DHRSX: variants seen among roughly 807,000 people sequenced by gnomAD.
The protein encoded by DHRSX is dehydrogenase/reductase X-linked.
In DHRSX, 31 loss-of-function variants were observed where a neutral mutation model predicts 34.0. That is an observed-to-expected ratio of 0.91 (90% CI 0.69 to 1.23). The LOEUF is 1.23. Ranked by LOEUF, DHRSX falls within the 50% of genes most tolerant of loss-of-function variation. The pLI, the probability that DHRSX is intolerant of heterozygous loss-of-function variation, is 0.00. For missense variants in DHRSX, 414 were observed against 428.1 expected, an observed-to-expected ratio of 0.97 and a Z score of 0.29; for synonymous variants, 201 against 183.8, an observed-to-expected ratio of 1.09 and a Z score of -0.76.
At chrX:2,272,869 A>G (rs1481826363) in intron 4 of DHRSX, among the ~76,000 whole-genome samples, 2 of 152,260 alleles carry the variant, frequency 1.3e-5, no homozygotes, top group African/African-American at 4.8e-5. Context: ...CAAGCTGTAT[A>G]GAAAACAGCA....
At chrX:2,441,534 A>C (rs958954695) in intron 1 of DHRSX, among the ~76,000 whole-genome samples, 1 of 152,164 alleles carries the variant, frequency 6.6e-6, no homozygotes. Context: ...GGGCAAAACC[A>C]AAATGTGCAG....
intron 3 of DHRSX, among the ~76,000 whole-genome samples, chrX:2,346,809 T>A (rs1267394175): frequency 4.6e-5 from 7 of 151,788 alleles, no homozygotes; most frequent in Non-Finnish European, 8.8e-5. Context: ...AGTCCCCTAC[T>A]CCCCGACAGG....
chrX:2,288,848 A>G (rs185631645), intron 4 of DHRSX, among the ~76,000 whole-genome samples: 12 of 152,306 alleles, frequency 7.9e-5, no homozygotes, highest in Admixed American at 4.6e-4. Context: ...CAGTTTCCAG[A>G]ATATTTTTGT....
rs578194845 is a variant in DHRSX, at chrX:2,422,452, G to A, written c.217+2745C>T. On this transcript the variant is annotated intron_variant, in intron 2 of 6. Transcript: ENST00000334651. The stretch of plus-strand genomic sequence containing the variant: ...TACTTTTTGTATTTTTAGTAGAGAC[G>A]GGGTTTCACCATGTTAGCCAGGATG... 3.7e-4 allele frequency among the ~76,000 whole-genome samples: 57 copies of A among 152,066 alleles called. No individual in the cohort carries two copies. The South Asian group carries it at 4.8e-3, about 13-fold the overall frequency.
At chrX:2,471,084 C>G (rs2090319280) in intron 1 of DHRSX, among the ~76,000 whole-genome samples, 1 of 152,158 alleles carries the variant, frequency 6.6e-6, no homozygotes, top group Admixed American at 6.5e-5. Flanking sequence ...TATACAATTA[C>G]TTTTTTTAAC....
At chrX:2,452,296 C>T (rs2044232897) in intron 1 of DHRSX, among the ~76,000 whole-genome samples, 1 of 151,746 alleles carries the variant, frequency 6.6e-6, no homozygotes, top group Non-Finnish European at 1.5e-5. Context: ...ACCATGTACA[C>T]ACTGAAGACG....
At chrX:2,323,922 T>G (rs2042343754) in intron 3 of DHRSX, among the ~76,000 whole-genome samples, 1 of 151,906 alleles carries the variant, frequency 6.6e-6, no homozygotes, top group Non-Finnish European at 1.5e-5. Context: ...CTGGGTGTGG[T>G]GGTGCACACC....
intron 2 of DHRSX, among the ~76,000 whole-genome samples, chrX:2,420,237 C>G (rs989223668): frequency 1.3e-5 from 2 of 149,838 alleles, no homozygotes; most frequent in Admixed American, 1.3e-4. Context: ...TGAAACCCCC[C>G]CTCTACTAAA....
intron 5 of DHRSX, among the ~76,000 whole-genome samples, chrX:2,250,373 G>A (rs2077294521): frequency 6.6e-6 from 1 of 152,012 alleles, no homozygotes; most frequent in Non-Finnish European, 1.5e-5. Flanking sequence ...TATTATGAAA[G>A]TAGAAGAATA....
At chrX:2,452,561 C>T (rs1488816059) in intron 1 of DHRSX, among the ~76,000 whole-genome samples, 1 of 151,828 alleles carries the variant, frequency 6.6e-6, no homozygotes, top group Non-Finnish European at 1.5e-5. Flanking sequence ...AAGAGACCAC[C>T]ATGTACACAC....
intron 3 of DHRSX, among the ~76,000 whole-genome samples, chrX:2,331,436 G>GTTTT (rs1159991841): frequency 0.013 from 1,272 of 94,536 alleles, 118 homozygotes; most frequent in Non-Finnish European, 0.017. Context: ...AGGTTTTTTG[G>GTTTT]TTTTTTTTTT....
intron 6 of DHRSX, among the ~76,000 whole-genome samples, chrX:2,242,068 G>A (rs2016153193): frequency 6.6e-6 from 1 of 152,090 alleles, no homozygotes; most frequent in Admixed American, 6.6e-5. Flanking sequence ...AAGAAGAAGA[G>A]GACACAAGCG....
intron 1 of DHRSX, among the ~76,000 whole-genome samples, chrX:2,475,409 ACCATGTACACACTGAAGACAGTCCCTAAG>A (rs1182433744): frequency 5.4e-5 from 8 of 147,948 alleles, no homozygotes; most frequent in African/African-American, 2.1e-4. Context: ...AGGGACCGCC[ACCATGTACACACTGAAGACAGTCCCTAAG>A]CATGTGGCAC....
chrX:2,467,081 A>AC (rs2044508559), intron 1 of DHRSX, among the ~76,000 whole-genome samples: 2 of 151,956 alleles, frequency 1.3e-5, no homozygotes, highest in Admixed American at 6.6e-5. Context: ...AAAAAAAAAA[A>AC]ACGCTACATG....
chrX:2,396,365 C>CTTTCTT (rs1374063556), intron 3 of DHRSX, among the ~76,000 whole-genome samples: 2 of 120,178 alleles, frequency 1.7e-5, no homozygotes, highest in Non-Finnish European at 3.5e-5. Context: ...TTGATGCTTT[C>CTTTCTT]TTTCTTTTTC....
chrX:2,451,407 A>G (rs1265804260), intron 1 of DHRSX, among the ~76,000 whole-genome samples: 4 of 152,272 alleles, frequency 2.6e-5, no homozygotes, highest in South Asian at 2.1e-4. Flanking sequence ...AGCCTCTGAT[A>G]GGATGGGGGC....
chrX:2,371,252 CT>C (rs201556478), intron 3 of DHRSX, among the ~76,000 whole-genome samples: 18 of 146,656 alleles, frequency 1.2e-4, no homozygotes, highest in African/African-American at 4.5e-4. Context: ...ATAGTCCCTC[CT>C]CCATTACCAT....
chrX:2,429,635 T>C (rs867154003), intron 1 of DHRSX, among the ~76,000 whole-genome samples: 1 of 142,338 alleles, frequency 7.0e-6, no homozygotes, highest in Admixed American at 7.1e-5. Context: ...TATTTTTTTT[T>C]TGTAAAGATG....
At chrX:2,448,339 A>C (rs991399913) in intron 1 of DHRSX, among the ~76,000 whole-genome samples, 5 of 152,156 alleles carry the variant, frequency 3.3e-5, no homozygotes, top group Non-Finnish European at 7.4e-5. Flanking sequence ...TCAAAAAAAT[A>C]TAAATTACAT....
Sources: gnomAD v4.1 joint callset for allele counts (sites outside exome capture counted in the v4.1 genomes callset) on GRCh38, gnomAD v4.1.1 for gene constraint, MANE v1.5 for transcripts, NCBI Gene and HGNC (gene_info 2026-07-23, HGNC 2026-07-21) for gene names.